Variants in UBE2H observed in about 807,000 individuals in gnomAD.
UBE2H encodes the protein ubiquitin conjugating enzyme E2 H.
A neutral mutation model predicts 29.0 loss-of-function variants in UBE2H; 3 were observed. That is an observed-to-expected ratio of 0.10 (90% CI 0.05 to 0.27). The LOEUF (loss-of-function observed/expected upper bound fraction) is 0.27, where lower values mean the gene tolerates loss of function less well. UBE2H is among the 10% of genes least tolerant of loss of function. The pLI, the probability that UBE2H is intolerant of heterozygous loss-of-function variation, is 1.00. For synonymous variants in UBE2H, 69 were observed against 82.9 expected (o/e 0.83, Z 0.91); for missense variants, 68 against 228.2 (o/e 0.30, Z 4.52).
intron 1 of UBE2H, among the ~76,000 whole-genome samples, chr7:129,897,742 G>C (rs1407557504): frequency 1.3e-5 from 2 of 151,722 alleles, no homozygotes; most frequent in East Asian, 3.9e-4. Context: ...ATTTATGAGA[G>C]GCAGTACCCA....
At chr7:129,858,223 T>C (rs192252814) in intron 4 of UBE2H, among the ~76,000 whole-genome samples, 2 of 152,266 alleles carry the variant, frequency 1.3e-5, no homozygotes, top group East Asian at 3.9e-4. Context: ...TAAGAGAATA[T>C]CCTTGTTAGG....
intron 1 of UBE2H, among the ~76,000 whole-genome samples, chr7:129,928,947 A>G (rs1015786606): frequency 2.6e-5 from 4 of 152,232 alleles, no homozygotes; most frequent in African/African-American, 9.6e-5. Flanking sequence ...TGAAATAAAG[A>G]TAACTGCTTT....
Position 129,834,917 on chromosome 7 carries a change from A to C in UBE2H, c.*20T>G. On this transcript the variant is annotated 3_prime_UTR_variant, in exon 7 of 7. Transcript: ENST00000355621. ...TGGTTAGGAAATAATAGTCTTTCTGAAAAGCAGGTGCTTTTTCTACTACAA... is the reference window on the plus strand; with the variant it reads ...TGGTTAGGAAATAATAGTCTTTCTGCAAAGCAGGTGCTTTTTCTACTACAA... 1.2e-6 allele frequency: 2 copies of C among 1,611,976 alleles called. No homozygotes were observed. The highest frequency in any genetic ancestry group is 1.7e-6 in the Non-Finnish European group (2 of 1,179,860).
Position 129,882,467 on chromosome 7 carries a change from T to C in UBE2H, c.54-1496A>G, listed in dbSNP as rs537435567. ...TTTGGCACTCCAAGCCCGTGTCCAATGAGACACAGAACTGACTGCAAGAGG... is the reference window on the plus strand; with the variant it reads ...TTTGGCACTCCAAGCCCGTGTCCAACGAGACACAGAACTGACTGCAAGAGG... On this transcript the variant is annotated intron_variant, in intron 1 of 6. Transcript: ENST00000355621. Among the ~76,000 whole-genome samples, 8 of 152,320 alleles carry C rather than the reference T, an allele frequency of 5.3e-5. No homozygotes were observed. The South Asian group carries it at 1.7e-3, about 32-fold the overall frequency.
intron 1 of UBE2H, among the ~76,000 whole-genome samples, chr7:129,913,976 C>T (rs1806992602): frequency 6.6e-6 from 1 of 152,286 alleles, no homozygotes; most frequent in South Asian, 2.1e-4. Context: ...CACTAGGAAA[C>T]ACATATCTGC....
At chr7:129,913,569 G>A (rs1451390051) in intron 1 of UBE2H, among the ~76,000 whole-genome samples, 1 of 151,672 alleles carries the variant, frequency 6.6e-6, no homozygotes, top group Non-Finnish European at 1.5e-5. Flanking sequence ...AGGCCTGTAT[G>A]TTTCATTCGA....
intron 3 of UBE2H, among the ~76,000 whole-genome samples, chr7:129,873,969 A>G (rs1806095332): frequency 6.6e-6 from 1 of 152,230 alleles, no homozygotes; most frequent in African/African-American, 2.4e-5. Context: ...GCATTTCACA[A>G]ATTGGTTTCT....
intron 3 of UBE2H, among the ~76,000 whole-genome samples, chr7:129,860,639 C>T (rs914040329): frequency 6.6e-6 from 1 of 151,982 alleles, no homozygotes; most frequent in African/African-American, 2.4e-5. Context: ...CATCCATCTA[C>T]CTGAGTCCTA....
chr7:129,889,498 A>G (rs1408548422), intron 1 of UBE2H, among the ~76,000 whole-genome samples: 1 of 152,248 alleles, frequency 6.6e-6, no homozygotes, highest in Non-Finnish European at 1.5e-5. Flanking sequence ...TAAACAAAGT[A>G]TATGTGCTCC....
intron 5 of UBE2H, among the ~76,000 whole-genome samples, chr7:129,852,186 C>T (rs1563022349): frequency 6.6e-6 from 1 of 152,236 alleles, no homozygotes; most frequent in Admixed American, 6.5e-5. Flanking sequence ...ACAGCATGCA[C>T]TAATCCAGCA....
At chr7:129,879,789 T>C (rs1194897830) in intron 2 of UBE2H, 147 bp from the exon 3 acceptor site, 2 of 652,846 alleles carry the variant, frequency 3.1e-6, no homozygotes, top group Non-Finnish European at 5.2e-6. Context: ...AATCAATAGG[T>C]GTACCACGTT....
intron 3 of UBE2H, among the ~76,000 whole-genome samples, chr7:129,863,693 T>C (rs899908172): frequency 6.6e-6 from 1 of 152,002 alleles, no homozygotes; most frequent in Admixed American, 6.5e-5. Flanking sequence ...CTGACTCTTC[T>C]AAAGTAGGCA....
intron 1 of UBE2H, among the ~76,000 whole-genome samples, chr7:129,941,363 G>A (rs768282613): frequency 3.9e-5 from 6 of 152,122 alleles, no homozygotes; most frequent in African/African-American, 9.7e-5. Context: ...TCGAACTCCC[G>A]AGTTCAAGCA....
chr7:129,878,735 C>G (rs1806197209), intron 3 of UBE2H, among the ~76,000 whole-genome samples: 1 of 146,906 alleles, frequency 6.8e-6, no homozygotes, highest in South Asian at 2.2e-4. Flanking sequence ...TGTTTGAACT[C>G]TGGCAATTCT....
Position 129,952,493 on chromosome 7 carries a change from C to A in UBE2H, c.53+10G>T. 2 of 1,611,986 alleles carry A rather than the reference C, an allele frequency of 1.2e-6. No individual in the cohort carries two copies. Among genetic ancestry groups the A allele is most frequent in the Non-Finnish European group, 1.7e-6 (2 of 1,178,722 alleles). ...CACACACAGCCCGAATTCCCCTCCA[C>A]GAAGGATACAGCTTGACCACGTCCG... is the stretch of plus-strand genomic sequence containing the variant. On this transcript the variant is annotated intron_variant, in intron 1 of 6. Coordinates refer to ENST00000355621, the MANE Select transcript of UBE2H (RefSeq NM_003344.4).
intron 1 of UBE2H, chr7:129,949,196 G>C: frequency 3.0e-6 from 1 of 330,714 alleles, no homozygotes; most frequent in Non-Finnish European, 6.1e-6. Flanking sequence ...TGAGCTGTTT[G>C]TTCCTCCACC....
chr7:129,883,731 A>AT (rs1237287801), intron 1 of UBE2H, among the ~76,000 whole-genome samples: 1 of 152,204 alleles, frequency 6.6e-6, no homozygotes, highest in Non-Finnish European at 1.5e-5. Flanking sequence ...AGTCCCAGCT[A>AT]TTCAGGAGGC....
At chr7:129,924,616 T>TCA (rs147228151) in intron 1 of UBE2H, among the ~76,000 whole-genome samples, 10,346 of 143,876 alleles carry the variant, frequency 0.072, 372 homozygotes, top group South Asian at 0.14. Context: ...CCTTTTACAT[T>TCA]CACACACACA....
chr7:129,889,581 C>T (rs944512244), intron 1 of UBE2H, among the ~76,000 whole-genome samples: 1 of 152,154 alleles, frequency 6.6e-6, no homozygotes, highest in African/African-American at 2.4e-5. Flanking sequence ...TCCCACCATG[C>T]AATATACTAT....
Sources: gnomAD v4.1 joint callset for allele counts (sites outside exome capture counted in the v4.1 genomes callset) on GRCh38, gnomAD v4.1.1 for gene constraint, MANE v1.5 for transcripts, NCBI Gene and HGNC (gene_info 2026-07-23, HGNC 2026-07-21) for gene names.